The following USH2A variants were observed in gnomAD, a reference collection of about 807,000 sequenced individuals.
USH2A encodes the protein usherin.
A neutral mutation model predicts 538.9 loss-of-function variants in USH2A; 443 were observed. The observed-to-expected ratio is 0.82, with a 90% confidence interval of 0.76 to 0.89. USH2A has a LOEUF of 0.89. USH2A is among the 40% of genes least tolerant of loss of function. The pLI is 0.00. For synonymous variants in USH2A, 2,413 were observed against 2,273.5 expected (o/e 1.06, Z -1.75); for missense variants, 6,633 against 6,324.8 (o/e 1.05, Z -1.65).
intron 21 of USH2A, among the ~76,000 whole-genome samples, chr1:216,164,190 C>A (rs1397651959): frequency 6.6e-6 from 1 of 151,976 alleles, no homozygotes; most frequent in Non-Finnish European, 1.5e-5. Flanking sequence ...GCATACGAAC[C>A]GAATGAGTGA....
At position 216,084,886 on chromosome 1, in the gene USH2A, G is replaced by T; in HGVS notation, c.4988-9C>A. The T allele has an allele frequency of 6.2e-7, 1 of 1,610,280 alleles. No individual in the cohort carries two copies. Among genetic ancestry groups the T allele is most frequent in the African/African-American group, 1.3e-5 (1 of 74,892 alleles). On this transcript the variant is annotated splice_polypyrimidine_tract_variant and intron_variant, in intron 24 of 71. Coordinates refer to ENST00000307340, the MANE Select transcript of USH2A (RefSeq NM_206933.4). ...ACCTTTTTGGATTATCTCTGCAGGA[G>T]TTTATAGATATCAAGAAATATATAT...
intron 31 of USH2A, among the ~76,000 whole-genome samples, chr1:216,047,085 T>C (rs1243952003): frequency 6.6e-6 from 1 of 152,226 alleles, no homozygotes; most frequent in African/African-American, 2.4e-5. Flanking sequence ...AAAAGAGCTG[T>C]GTATTTTATA....
chr1:216,155,439 GT>G (rs1290768277), intron 21 of USH2A, among the ~76,000 whole-genome samples: 2 of 152,184 alleles, frequency 1.3e-5, no homozygotes, highest in East Asian at 3.9e-4. Flanking sequence ...TTTTTGAGAT[GT>G]TTTTCAAACT....
intron 58 of USH2A, among the ~76,000 whole-genome samples, chr1:215,753,577 C>T (rs915837654): frequency 7.9e-5 from 12 of 152,080 alleles, no homozygotes; most frequent in Admixed American, 3.3e-4. Flanking sequence ...AACCAAACAC[C>T]ACATGTTCTC....
intron 47 of USH2A, among the ~76,000 whole-genome samples, chr1:215,835,384 A>G (rs906835872): frequency 1.3e-5 from 2 of 152,046 alleles, no homozygotes; most frequent in African/African-American, 4.8e-5. Context: ...TGACTTGTCT[A>G]CTTGCTTTTG....
Position 215,934,663 on chromosome 1 carries a change from T to C in USH2A, c.7253A>G (p.Gln2418Arg). 1.9e-6 allele frequency: 3 copies of C among 1,612,736 alleles called. No individual in the cohort carries two copies. Among genetic ancestry groups the C allele is most frequent in the Non-Finnish European group, 2.5e-6 (3 of 1,179,058 alleles). ...YTVQVNISNS[Q>R]GSLITDPITI... is the part of the protein sequence containing the mutation. Reference sequence around the variant, plus strand: ...TATAGGATCAGTTATCAAGCTGCCTTGGCTATTTGAAATATTCACTTGTAC... The same window carrying C: ...TATAGGATCAGTTATCAAGCTGCCTCGGCTATTTGAAATATTCACTTGTAC... The change falls in exon 38 of 72, where the codon CAA becomes CGA. Residue 2418 changes from glutamine (Q) to arginine (R), a missense_variant. Physicochemically the swap from Gln to Arg is conservative, Grantham distance 43. Transcript: ENST00000307340.
rs920615726 is a variant in USH2A at position 215,961,695 on chromosome 1, G to A, written c.7120+3622C>T. Among the ~76,000 whole-genome samples the A allele has an allele frequency of 4.6e-5, 7 of 151,788 alleles. No homozygotes were observed. In the South Asian group the frequency reaches 1.2e-3, roughly 27 times the overall value. On this transcript the variant is annotated intron_variant, in intron 37 of 71. Transcript: ENST00000307340. ...AATAAAGGTACAGATATGTCCACAC[G>A]TATTTATTAATAAAGATGGAAATTT...
intron 20 of USH2A, among the ~76,000 whole-genome samples, chr1:216,175,743 T>A (rs2034365061): frequency 6.6e-6 from 1 of 152,142 alleles, no homozygotes; most frequent in African/African-American, 2.4e-5. Context: ...ACTTCTCTAT[T>A]CTTTTTAGCT....
In USH2A at chr1:216,246,863, C is replaced by T. The variant is rs564453853; in HGVS notation, c.2531G>A (p.Cys844Tyr). 39 of 1,614,012 alleles carry T rather than the reference C, an allele frequency of 2.4e-5. No individual in the cohort carries two copies. Among genetic ancestry groups the T allele is most frequent in the Admixed American group, 1.3e-4 (8 of 59,998 alleles). ...FYLRQNNSFLCLPCNCDKTGT... is the reference protein window; with the variant it reads ...FYLRQNNSFLYLPCNCDKTGT... ...AGTCTTATCACAGTTGCAAGGCAGA[C>T]AGAGGAAAGAATTATTTTGCCGTAG... The change falls in exon 13 of 72, where the codon TGT becomes TAT. Residue 844 changes from cysteine to tyrosine, a missense_variant. Coordinates refer to ENST00000307340, the MANE Select transcript of USH2A (RefSeq NM_206933.4).
At chr1:216,077,934 A>T (rs1020781040) in intron 27 of USH2A, among the ~76,000 whole-genome samples, 155 bp downstream of exon 27, 1 of 152,106 alleles carries the variant, frequency 6.6e-6, no homozygotes, top group South Asian at 2.1e-4. Flanking sequence ...AAGTGTTTTC[A>T]TTAGTTTTTA....
At chr1:215,666,671 A>T (rs1657613708) in intron 64 of USH2A, among the ~76,000 whole-genome samples, 1 of 152,218 alleles carries the variant, frequency 6.6e-6, no homozygotes, top group Admixed American at 6.5e-5. Context: ...CAAAGCTGAG[A>T]ACCACTGATT....
intron 37 of USH2A, among the ~76,000 whole-genome samples, chr1:215,940,106 C>T (rs946318606): frequency 2.6e-5 from 4 of 152,050 alleles, no homozygotes; most frequent in South Asian, 4.2e-4. Flanking sequence ...CTTGTTACCT[C>T]GTGAGGATTT....
intron 10 of USH2A, among the ~76,000 whole-genome samples, chr1:216,290,269 T>C (rs900986905): frequency 2.0e-5 from 3 of 152,128 alleles, no homozygotes; most frequent in African/African-American, 7.2e-5. Flanking sequence ...ATCAATAATA[T>C]GAAAACTCAT....
At chr1:215,837,898 T>C in intron 47 of USH2A, 93 bp downstream of exon 47, 1 of 1,037,230 alleles carries the variant, frequency 9.6e-7, no homozygotes, top group South Asian at 1.3e-5. Context: ...ACCCATTAAA[T>C]GAGATTGTCA....
At chr1:216,407,471 T>C (rs1209980154) in intron 3 of USH2A, among the ~76,000 whole-genome samples, 3 of 152,156 alleles carry the variant, frequency 2.0e-5, no homozygotes, top group Non-Finnish European at 2.9e-5. Flanking sequence ...CTTGAACATA[T>C]GCCCTTATTA....
intron 35 of USH2A, among the ~76,000 whole-genome samples, chr1:215,976,603 T>C (rs1352002252): frequency 6.6e-6 from 1 of 152,206 alleles, no homozygotes; most frequent in African/African-American, 2.4e-5. Context: ...ATTTATATGA[T>C]GAATCATGTT....
intron 4 of USH2A, among the ~76,000 whole-genome samples, chr1:216,351,807 T>G (rs2038292975): frequency 6.6e-6 from 1 of 151,874 alleles, no homozygotes; most frequent in African/African-American, 2.4e-5. Flanking sequence ...CTGGATATAT[T>G]TTGATTCTAA....
At chr1:216,303,057 T>A (rs946235821) in intron 9 of USH2A, among the ~76,000 whole-genome samples, 4 of 152,008 alleles carry the variant, frequency 2.6e-5, no homozygotes, top group African/African-American at 9.7e-5. Flanking sequence ...GGTATTTGAT[T>A]TCTCCTTTGA....
chr1:215,752,441 CAG>C (rs1055356805), intron 58 of USH2A, among the ~76,000 whole-genome samples: 1 of 152,082 alleles, frequency 6.6e-6, no homozygotes, highest in Admixed American at 6.6e-5. Flanking sequence ...ACATGGGAGA[CAG>C]GGGAATATTT....
Sources: gnomAD v4.1 joint callset for allele counts (sites outside exome capture counted in the v4.1 genomes callset) on GRCh38, gnomAD v4.1.1 for gene constraint, MANE v1.5 for transcripts, NCBI Gene and HGNC (gene_info 2026-07-23, HGNC 2026-07-21) for gene names.